Variants in EMC8 observed in about 807,000 individuals in gnomAD.
The protein encoded by EMC8 is ER membrane protein complex subunit 8, also known as COX4 neighbor.
EMC8 carries 11 observed loss-of-function variants against 24.3 expected under a neutral mutation model. That is an observed-to-expected ratio of 0.45 (90% CI 0.28 to 0.75). The LOEUF (loss-of-function observed/expected upper bound fraction) is 0.75. EMC8 is among the 30% of genes least tolerant of loss of function. The pLI, the probability that EMC8 is intolerant of heterozygous loss-of-function variation, is 0.12. For synonymous variants in EMC8, 145 were observed against 117.7 expected, an observed-to-expected ratio of 1.23 and a Z score of -1.50; for missense variants, 277 against 282.7, an observed-to-expected ratio of 0.98 and a Z score of 0.14.
At chr16:85,780,530 C>T in intron 3 of EMC8, 57 bp from the exon 4 acceptor site, 1 of 1,325,904 alleles carries the variant, frequency 7.5e-7, no homozygotes, top group Non-Finnish European at 1.1e-6. Context: ...ACAGCAGCGG[C>T]AGGCGCCTCC....
rs746370638 is a variant in EMC8 at position 85,779,674 on chromosome 16, G to C, written c.*34C>G. 4.4e-6 allele frequency: 7 copies of C among 1,603,522 alleles called. No individual in the cohort carries two copies. In the African/African-American group the frequency reaches 9.4e-5, roughly 21 times the overall value. Reference sequence around the variant, plus strand: ...ATAGGTTTTCTTCTTCAACGTAGTGGAAAGGCCCGGAGCCCAGTCACAGCG... The same window carrying C: ...ATAGGTTTTCTTCTTCAACGTAGTGCAAAGGCCCGGAGCCCAGTCACAGCG... On this transcript the variant is annotated 3_prime_UTR_variant, in exon 5 of 5. Transcript: ENST00000253457.
chr16:85,791,729 A>G (rs191442620), intron 1 of EMC8, among the ~76,000 whole-genome samples: 96 of 152,258 alleles, frequency 6.3e-4, no homozygotes, highest in Admixed American at 1.3e-3. Flanking sequence ...GGCTGCCCGC[A>G]TTCCTTGGCT....
intron 1 of EMC8, among the ~76,000 whole-genome samples, chr16:85,795,681 G>A (rs1405246545): frequency 6.6e-6 from 1 of 152,192 alleles, no homozygotes; most frequent in Admixed American, 6.5e-5. Flanking sequence ...CTCTTCATCT[G>A]TATCCTTTGC....
intron 3 of EMC8, 167 bp downstream of exon 3, chr16:85,781,044 T>C: frequency 1.7e-6 from 1 of 598,000 alleles, no homozygotes; most frequent in East Asian, 2.8e-5. Context: ...AGCCATGGCC[T>C]GGGATTCAAC....
chr16:85,788,087 T>C (rs547152919), intron 2 of EMC8, among the ~76,000 whole-genome samples: 1 of 152,324 alleles, frequency 6.6e-6, no homozygotes, highest in Non-Finnish European at 1.5e-5. Flanking sequence ...GCCTGACGCA[T>C]GCCCGTTATA....
rs973492728 is a variant in EMC8, at chr16:85,780,018, G to T, written c.474-151C>A. On this transcript the variant is annotated intron_variant, in intron 4 of 4. Coordinates refer to ENST00000253457, the MANE Select transcript of EMC8 (RefSeq NM_006067.5). ...CATGTGCATTTCAAACGCATGAAGA[G>T]GTATACAGAGCATAGAAGACATGGT... 4.6e-6 allele frequency: 3 copies of T among 652,146 alleles called. No individual in the cohort carries two copies. The East Asian group carries it at 8.2e-5, about 18-fold the overall frequency. 40.4% of individuals were successfully genotyped at this position (652,146 alleles called of 1,614,324 possible). A position where few individuals can be genotyped will look rare whatever the true frequency, so the allele number is the denominator to read the frequency against.
chr16:85,798,531 G>T (rs1224488805), intron 1 of EMC8: 1 of 152,914 alleles, frequency 6.5e-6, no homozygotes, highest in Non-Finnish European at 1.5e-5. Flanking sequence ...TTCAATCAAG[G>T]GGAGCCAGGC....
intron 2 of EMC8, among the ~76,000 whole-genome samples, chr16:85,786,265 C>T (rs142375550): frequency 4.1e-4 from 63 of 152,332 alleles, no homozygotes; most frequent in African/African-American, 1.5e-3. Context: ...AATCATGCTG[C>T]AAGACACTGT....
chr16:85,779,936 A>G (rs780046578), intron 4 of EMC8, 69 bp from the exon 5 acceptor site: 34 of 1,364,596 alleles, frequency 2.5e-5, no homozygotes, highest in Non-Finnish European at 3.4e-5. Flanking sequence ...GCATCAAGAG[A>G]GAAGGCCAGC....
rs10673082 is a variant in EMC8, at chr16:85,781,614, CTTTTT to C, written c.309-339_309-335del. ...AGTTACTTTTTAGTGTTTTTTTTTG[CTTTTT>C]TTTTTTTTTTTTGGTAGAGAGGAGG... On this transcript the variant is annotated intron_variant, in intron 2 of 4. Transcript: ENST00000253457. The C allele has an allele frequency of 1.9e-4, 25 of 129,864 alleles. No homozygotes were observed. In the East Asian group the frequency reaches 3.2e-3, roughly 16 times the overall value. 8.0% of individuals were successfully genotyped at this position (129,864 alleles called of 1,614,324 possible).
At chr16:85,784,353 A>G (rs527261295) in intron 2 of EMC8, 2 of 152,370 alleles carry the variant, frequency 1.3e-5, no homozygotes, top group African/African-American at 4.8e-5. Flanking sequence ...TTATTTAACA[A>G]AGCACACTAT....
At chr16:85,780,523 G>A (rs1904440476) in intron 3 of EMC8, 50 bp from the exon 4 acceptor site, 3 of 1,397,576 alleles carry the variant, frequency 2.1e-6, no homozygotes, top group Non-Finnish European at 3.0e-6. Flanking sequence ...CAGCCAAACA[G>A]CAGCGGCAGG....
chr16:85,798,331 A>T (rs938552865), intron 1 of EMC8, among the ~76,000 whole-genome samples: 1 of 152,088 alleles, frequency 6.6e-6, no homozygotes, highest in Non-Finnish European at 1.5e-5. Flanking sequence ...CATGTTGGTC[A>T]GGCTGGTCTC....
intron 2 of EMC8, among the ~76,000 whole-genome samples, chr16:85,785,512 T>A (rs1022078107): frequency 6.6e-6 from 1 of 152,118 alleles, no homozygotes; most frequent in Admixed American, 6.5e-5. Flanking sequence ...GGAGGTTGCA[T>A]TGAGGCGAGA....
chr16:85,784,654 C>T (rs906893839), intron 2 of EMC8: 1 of 151,988 alleles, frequency 6.6e-6, no homozygotes, highest in South Asian at 2.1e-4. Context: ...ACTGCACTGA[C>T]CAGGACTCGG....
At chr16:85,795,423 C>A (rs539319347) in intron 1 of EMC8, among the ~76,000 whole-genome samples, 24 of 152,344 alleles carry the variant, frequency 1.6e-4, no homozygotes, top group Non-Finnish European at 2.6e-4. Flanking sequence ...TGGCTCCTCA[C>A]GGCCCTGGTT....
intron 1 of EMC8, among the ~76,000 whole-genome samples, chr16:85,797,354 G>C (rs1334648649): frequency 1.3e-5 from 2 of 152,184 alleles, no homozygotes; most frequent in Admixed American, 1.3e-4. Context: ...GTTGCAGTGA[G>C]CCGAGATCAT....
At chr16:85,795,112 A>C (rs1362087870) in intron 1 of EMC8, among the ~76,000 whole-genome samples, 1 of 152,180 alleles carries the variant, frequency 6.6e-6, no homozygotes, top group African/African-American at 2.4e-5. Context: ...AACTCTGTCA[A>C]GTACTGCATT....
chr16:85,780,090 G>A, intron 4 of EMC8: 4 of 601,876 alleles, frequency 6.6e-6, no homozygotes, highest in Non-Finnish European at 1.2e-5. Context: ...GAGAAAGTTG[G>A]AGGCAGATGA....
Sources: allele counts gnomAD v4.1 joint callset (sites outside exome capture counted in the v4.1 genomes callset), GRCh38; gene constraint gnomAD v4.1.1; transcripts MANE v1.5; gene names NCBI Gene and HGNC (gene_info 2026-07-23, HGNC 2026-07-21).